The following SAMD4A variants were observed in gnomAD, a reference collection of about 807,000 sequenced individuals.
SAMD4A encodes the protein protein Smaug homolog 1.
Under a neutral mutation model 81.3 loss-of-function variants are expected in SAMD4A, and 33 were observed. The ratio of observed to expected loss-of-function variants is 0.41; its 90% confidence interval spans 0.31 to 0.54. The LOEUF (loss-of-function observed/expected upper bound fraction) is 0.54, where lower values mean the gene tolerates loss of function less well. Among genes scored for constraint, SAMD4A ranks in the 20% least tolerant of loss-of-function variants. The pLI is 0.37. For synonymous variants in SAMD4A, 389 were observed against 382.1 expected, an observed-to-expected ratio of 1.02 and a Z score of -0.21; for missense variants, 854 against 951.1, an observed-to-expected ratio of 0.90 and a Z score of 1.34.
In SAMD4A at chr14:54,702,200, C is replaced by T. The variant is rs774343835; in HGVS notation, c.335C>T (p.Ser112Phe). ...CTGCTGCCCAAAATCCTGGCTCACT[C>T]TATTGAACACAACCAGCACATTGAG... is the stretch of plus-strand genomic sequence containing the variant. ...MKLLPKILAH[S>F]IEHNQHIEES... The change falls in exon 3 of 13, where the codon TCT becomes TTT. Residue 112 changes from serine to phenylalanine, a missense_variant. Coordinates refer to ENST00000554335, the MANE Select transcript of SAMD4A (RefSeq NM_015589.6). The T allele has an allele frequency of 6.2e-7, 1 of 1,614,214 alleles. No homozygotes were observed. The highest frequency in any genetic ancestry group is 1.1e-5 in the South Asian group (1 of 91,084).
At chr14:54,759,843 A>G (rs888398818) in intron 6 of SAMD4A, among the ~76,000 whole-genome samples, 4 of 152,232 alleles carry the variant, frequency 2.6e-5, no homozygotes, top group African/African-American at 9.6e-5. Flanking sequence ...TGTAATATGT[A>G]TAACTGCATT....
intron 2 of SAMD4A, among the ~76,000 whole-genome samples, chr14:54,689,088 T>C (rs1046752817): frequency 5.7e-4 from 86 of 152,032 alleles, no homozygotes; most frequent in Non-Finnish European, 1.3e-4. Flanking sequence ...CCCGCCACCA[T>C]GCCTGGCTAA....
chr14:54,623,790 T>C (rs2034678981), intron 2 of SAMD4A, among the ~76,000 whole-genome samples: 1 of 152,200 alleles, frequency 6.6e-6, no homozygotes, highest in South Asian at 2.1e-4. Flanking sequence ...TAGAATGTTA[T>C]CATTCTTTCC....
intron 2 of SAMD4A, among the ~76,000 whole-genome samples, chr14:54,660,654 G>A (rs2035621337): frequency 6.6e-6 from 1 of 152,138 alleles, no homozygotes; most frequent in South Asian, 2.1e-4. Context: ...CTGGATGGAA[G>A]GACTGGAGAA....
At position 54,776,193 on chromosome 14, in the gene SAMD4A, C is replaced by CT. The variant is rs535347861; in HGVS notation, c.1918-219dup. Among the ~76,000 whole-genome samples, 43 of 152,030 alleles carry CT rather than the reference C, an allele frequency of 2.8e-4. No individual in the cohort carries two copies. The East Asian group carries it at 7.4e-3, about 26-fold the overall frequency. ...AAGAGGTGTCCAGATGAAGCTGAGG[C>CT]TTACAGCAAGGCCACCACTGAGGAG... On this transcript the variant is annotated intron_variant, in intron 10 of 12. Coordinates refer to ENST00000554335, the MANE Select transcript of SAMD4A (RefSeq NM_015589.6).
intron 2 of SAMD4A, among the ~76,000 whole-genome samples, chr14:54,602,706 T>A: frequency 6.6e-6 from 1 of 151,312 alleles, no homozygotes; most frequent in East Asian, 1.9e-4. Flanking sequence ...AAATGATGAG[T>A]TAATGGGTGC....
chr14:54,656,471 A>C (rs1361557576), intron 2 of SAMD4A, among the ~76,000 whole-genome samples: 2 of 152,136 alleles, frequency 1.3e-5, no homozygotes, highest in African/African-American at 4.8e-5. Context: ...TGACTTATTT[A>C]GTAGTGGCAA....
At chr14:54,599,750 C>T (rs1172560496) in intron 2 of SAMD4A, among the ~76,000 whole-genome samples, 3 of 152,168 alleles carry the variant, frequency 2.0e-5, no homozygotes, top group Admixed American at 6.5e-5. Flanking sequence ...AAATGTTACA[C>T]GGATAAGCTG....
At chr14:54,671,700 C>A (rs1333382821) in intron 2 of SAMD4A, among the ~76,000 whole-genome samples, 1 of 152,200 alleles carries the variant, frequency 6.6e-6, no homozygotes, top group Non-Finnish European at 1.5e-5. Flanking sequence ...GTGTGTGAAG[C>A]CTGAATCTGA....
At chr14:54,588,809 TC>T (rs999386354) in intron 2 of SAMD4A, among the ~76,000 whole-genome samples, 43 of 152,238 alleles carry the variant, frequency 2.8e-4, no homozygotes, top group Non-Finnish European at 5.1e-4. Context: ...TATATGGATT[TC>T]CCCCCATTTT....
intron 3 of SAMD4A, among the ~76,000 whole-genome samples, chr14:54,710,520 C>G (rs775682429): frequency 3.3e-5 from 5 of 152,060 alleles, no homozygotes; most frequent in Non-Finnish European, 5.9e-5. Context: ...GCAGTGAGGC[C>G]CCTGGAAATC....
chr14:54,662,344 AGT>A (rs2035660258), intron 2 of SAMD4A, among the ~76,000 whole-genome samples: 1 of 151,246 alleles, frequency 6.6e-6, no homozygotes, highest in Non-Finnish European at 1.5e-5. Context: ...CACATTAAAG[AGT>A]GTATGATTAT....
chr14:54,745,744 T>A (rs1237493224), intron 4 of SAMD4A, among the ~76,000 whole-genome samples: 1 of 151,836 alleles, frequency 6.6e-6, no homozygotes, highest in Non-Finnish European at 1.5e-5. Context: ...CATAAGAGAG[T>A]GACTTTCTAG....
At chr14:54,602,758 G>A (rs1019157674) in intron 2 of SAMD4A, among the ~76,000 whole-genome samples, 6 of 150,712 alleles carry the variant, frequency 4.0e-5, no homozygotes, top group Non-Finnish European at 7.4e-5. Flanking sequence ...TAACAAACCT[G>A]CACGTTGTGC....
intron 2 of SAMD4A, among the ~76,000 whole-genome samples, chr14:54,574,118 A>G (rs1375854109): frequency 6.6e-6 from 1 of 152,216 alleles, no homozygotes; most frequent in African/African-American, 2.4e-5. Flanking sequence ...AAATTTACCA[A>G]ATACCCCAGC....
chr14:54,644,690 G>A (rs1241030126), intron 2 of SAMD4A, among the ~76,000 whole-genome samples: 1 of 152,190 alleles, frequency 6.6e-6, no homozygotes, highest in Non-Finnish European at 1.5e-5. Context: ...TTCTAATGGA[G>A]TTATGTTTTT....
chr14:54,614,526 G>C (rs540376746), intron 2 of SAMD4A, among the ~76,000 whole-genome samples: 69 of 152,308 alleles, frequency 4.5e-4, no homozygotes, highest in Non-Finnish European at 8.5e-4. Flanking sequence ...TAACAAAAGG[G>C]ACTTTTAAGA....
At chr14:54,616,389 A>T (rs1235087266) in intron 2 of SAMD4A, among the ~76,000 whole-genome samples, 1 of 152,226 alleles carries the variant, frequency 6.6e-6, no homozygotes, top group Non-Finnish European at 1.5e-5. Flanking sequence ...ATCACATACT[A>T]ATACACTACT....
At chr14:54,621,408 G>T (rs966018370) in intron 2 of SAMD4A, among the ~76,000 whole-genome samples, 2 of 151,628 alleles carry the variant, frequency 1.3e-5, no homozygotes, top group African/African-American at 4.9e-5. Context: ...GGAGTGCAGT[G>T]GCATGATCTC....
Sources: allele counts gnomAD v4.1 joint callset (sites outside exome capture counted in the v4.1 genomes callset), GRCh38; gene constraint gnomAD v4.1.1; transcripts MANE v1.5; gene names NCBI Gene and HGNC (gene_info 2026-07-23, HGNC 2026-07-21).